The following IQSEC2 variants were observed in gnomAD, a reference collection of about 807,000 sequenced individuals.
IQSEC2 encodes the protein IQ motif and Sec7 domain ArfGEF 2, also known as IQ motif and SEC7 domain-containing protein 2.
In IQSEC2, 6 loss-of-function variants were observed where a neutral mutation model predicts 74.6. That is an observed-to-expected ratio of 0.08 (90% CI 0.04 to 0.16). IQSEC2 has a LOEUF of 0.16. Ranked by LOEUF, IQSEC2 falls within the 10% of genes least tolerant of loss-of-function variation. IQSEC2 has a pLI of 1.00. For missense variants in IQSEC2, 734 were observed against 1,306.2 expected, an observed-to-expected ratio of 0.56 and a Z score of 6.75; for synonymous variants, 494 against 544.5, an observed-to-expected ratio of 0.91 and a Z score of 1.29.
chrX:53,275,847 C>T (rs1258015280), intron 2 of IQSEC2, among the ~76,000 whole-genome samples: 1 of 71,267 alleles, frequency 1.4e-5, no homozygotes, highest in Admixed American at 1.8e-4. Flanking sequence ...GCACCCGCCA[C>T]CACGCCTGGC....
At chrX:53,309,745 G>A (rs1347940124) in intron 1 of IQSEC2, among the ~76,000 whole-genome samples, 3 of 111,984 alleles carry the variant, frequency 2.7e-5, no homozygotes, top group East Asian at 2.8e-4. Context: ...GAGTCACAAA[G>A]GATTTGAGGG....
chrX:53,251,294 A>T, intron 4 of IQSEC2, 120 bp from the exon 5 acceptor site: 1 of 738,064 alleles, frequency 1.4e-6, no homozygotes, highest in Non-Finnish European at 2.0e-6. Flanking sequence ...TCTTCCTGGT[A>T]GGTCAGCAAG....
chrX:53,260,027 G>A (rs1315509184), intron 2 of IQSEC2, among the ~76,000 whole-genome samples: 3 of 111,745 alleles, frequency 2.7e-5, no homozygotes, highest in Non-Finnish European at 5.6e-5. Context: ...CTGGGACCCA[G>A]AGAATGGTCT....
chrX:53,308,142 C>T (rs868916996), intron 1 of IQSEC2, among the ~76,000 whole-genome samples: 3 of 74,921 alleles, frequency 4.0e-5, no homozygotes, highest in South Asian at 1.1e-3. Flanking sequence ...CCAGCCTAGG[C>T]GACAGAGCGA....
chrX:53,227,113 G>C (rs1556857741), downstream of IQSEC2: 1 of 111,476 alleles, frequency 9.0e-6, no homozygotes, highest in African/African-American at 3.3e-5. Flanking sequence ...CATCTTTCTA[G>C]TTTTCTAGGT....
At chrX:53,244,169 T>C in intron 8 of IQSEC2, among the ~76,000 whole-genome samples, 1 of 103,806 alleles carries the variant, frequency 9.6e-6, no homozygotes, top group Non-Finnish European at 2.0e-5. Flanking sequence ...TGAGCCAAGA[T>C]CGCGCCACTG....
chrX:53,290,917 C>T (rs5933570), intron 2 of IQSEC2, among the ~76,000 whole-genome samples: 8 of 112,483 alleles, frequency 7.1e-5, no homozygotes, highest in Admixed American at 1.9e-4. Flanking sequence ...ATATCCAACC[C>T]GTGCTATGCT....
intron 2 of IQSEC2, among the ~76,000 whole-genome samples, chrX:53,260,320 G>T (rs2074550516): frequency 8.9e-6 from 1 of 111,788 alleles, no homozygotes; most frequent in South Asian, 3.8e-4. Context: ...GCATGTTCGA[G>T]AAACAGTGAA....
chrX:53,248,894 G>A lies in IQSEC2; in HGVS notation c.2298-12C>T. 2.5e-6 allele frequency: 3 copies of A among 1,204,671 alleles called. No homozygotes were observed. The highest frequency in any genetic ancestry group is 2.3e-4 in the Middle Eastern group (1 of 4,349). ...CCTTCTCTGGCTTCCTGCAGAAAGAGGAGAGGTAGATGAGATGACTGTCCT... is the reference window on the plus strand; with the variant it reads ...CCTTCTCTGGCTTCCTGCAGAAAGAAGAGAGGTAGATGAGATGACTGTCCT... On this transcript the variant is annotated splice_polypyrimidine_tract_variant and intron_variant, in intron 5 of 14. Coordinates refer to ENST00000642864, the MANE Select transcript of IQSEC2 (RefSeq NM_001111125.3).
At chrX:53,314,315 C>G (rs1183362557) in intron 1 of IQSEC2, among the ~76,000 whole-genome samples, 1 of 112,366 alleles carries the variant, frequency 8.9e-6, no homozygotes, top group Non-Finnish European at 1.9e-5. Context: ...GCTTTTAGCT[C>G]CTTCACTCAT....
At chrX:53,262,844 T>C (rs782655111) in intron 2 of IQSEC2, among the ~76,000 whole-genome samples, 11 of 112,650 alleles carry the variant, frequency 9.8e-5, no homozygotes, top group African/African-American at 1.9e-4. Context: ...AAAATAATAG[T>C]TGTCATTTAT....
At chrX:53,292,860 G>A (rs781866667) in intron 1 of IQSEC2, among the ~76,000 whole-genome samples, 3 of 111,832 alleles carry the variant, frequency 2.7e-5, no homozygotes, top group South Asian at 3.7e-4. Context: ...TGTTCACTGC[G>A]TGCAGGGAAG....
At chrX:53,278,302 G>A (rs1196445487) in intron 2 of IQSEC2, among the ~76,000 whole-genome samples, 1 of 110,946 alleles carries the variant, frequency 9.0e-6, no homozygotes, top group Non-Finnish European at 1.9e-5. Flanking sequence ...GAGCCACTGC[G>A]CCTGGCCCCA....
At chrX:53,297,609 G>A (rs966246366) in intron 1 of IQSEC2, among the ~76,000 whole-genome samples, 1 of 111,768 alleles carries the variant, frequency 8.9e-6, no homozygotes, top group Admixed American at 9.5e-5. Context: ...TTACAGGCAT[G>A]AGCCACCGTG....
intron 1 of IQSEC2, among the ~76,000 whole-genome samples, chrX:53,307,885 T>TA (rs782356115): frequency 0.11 from 4,099 of 38,027 alleles, 375 homozygotes; most frequent in African/African-American, 0.31. Flanking sequence ...AGGCCCTGTC[T>TA]AAAAAAAAAA....
chrX:53,226,680 C>G (rs1309233083), downstream of IQSEC2: 4 of 112,200 alleles, frequency 3.6e-5, no homozygotes, highest in African/African-American at 1.3e-4. Context: ...CTGCCTACTT[C>G]AGGACTGAGC....
chrX:53,305,208 C>T (rs1227461175), intron 1 of IQSEC2, among the ~76,000 whole-genome samples: 1 of 107,047 alleles, frequency 9.3e-6, no homozygotes, highest in Non-Finnish European at 1.9e-5. Context: ...TGTGACCCAC[C>T]ACGCCCGGCC....
chrX:53,230,619 AG>A (rs2074060346), downstream of IQSEC2: 1 of 116,924 alleles, frequency 8.6e-6, no homozygotes, highest in Admixed American at 9.2e-5. Context: ...TTTTTGAGAC[AG>A]AGTCTTGCTC....
intron 1 of IQSEC2, among the ~76,000 whole-genome samples, chrX:53,299,957 A>C (rs1414536581): frequency 9.1e-6 from 1 of 109,920 alleles, no homozygotes; most frequent in Non-Finnish European, 1.9e-5. Flanking sequence ...ACAGGGTTTT[A>C]CTATGTTGCC....
Sources: allele counts gnomAD v4.1 joint callset (sites outside exome capture counted in the v4.1 genomes callset), GRCh38; gene constraint gnomAD v4.1.1; transcripts MANE v1.5; gene names NCBI Gene and HGNC (gene_info 2026-07-23, HGNC 2026-07-21).